The following AJAP1 variants were observed in gnomAD, a reference collection of about 807,000 sequenced individuals.
AJAP1 encodes the protein adherens junctions associated protein 1, also known as adherens junction-associated protein 1.
AJAP1 carries 5 observed loss-of-function variants against 35.0 expected under a neutral mutation model. That is an observed-to-expected ratio of 0.14 (90% CI 0.07 to 0.30). The LOEUF (loss-of-function observed/expected upper bound fraction) is 0.30. Among genes scored for constraint, AJAP1 ranks in the 10% least tolerant of loss-of-function variants. The probability of loss-of-function intolerance (pLI) is 1.00; values close to 1 mark genes in which losing one functional copy is unlikely to be tolerated. For missense variants in AJAP1, 586 were observed against 571.0 expected (o/e 1.03, Z -0.27); for synonymous variants, 284 against 249.3 (o/e 1.14, Z -1.31).
intron 1 of AJAP1, among the ~76,000 whole-genome samples, chr1:4,698,335 C>T (rs1639913805): frequency 6.6e-6 from 1 of 152,194 alleles, no homozygotes; most frequent in African/African-American, 2.4e-5. Flanking sequence ...CTGGAGGCCA[C>T]CAAATGAGTC....
In AJAP1 at chr1:4,720,212, C is replaced by A. The variant is rs775428943; in HGVS notation, c.829+7513C>A. Among the ~76,000 whole-genome samples, 1 of 152,286 alleles carries A rather than the reference C, an allele frequency of 6.6e-6. No individual in the cohort carries two copies. The highest frequency in any genetic ancestry group is 2.4e-5 in the African/African-American group (1 of 41,544). ...GAACGAGTAATGGACCCATGTGCCACGTGGTTAGACATGAAGACAGGCTTC... is the reference window on the plus strand; with the variant it reads ...GAACGAGTAATGGACCCATGTGCCAAGTGGTTAGACATGAAGACAGGCTTC... On this transcript the variant is annotated intron_variant, in intron 2 of 5. Transcript: ENST00000378191. The surrounding 1 kb of genome is among the most constrained non-coding windows in gnomAD (Gnocchi z 4.4).
Position 4,723,779 on chromosome 1 carries a change from T to A in AJAP1, c.829+11080T>A, listed in dbSNP as rs1191270528. Among the ~76,000 whole-genome samples, 1 of 151,870 alleles carries A rather than the reference T, an allele frequency of 6.6e-6. No homozygotes were observed. The highest frequency in any genetic ancestry group is 1.5e-5 in the Non-Finnish European group (1 of 68,008). ...TGGACGAGGATTTTGGTTGTTCTGT[T>A]TCGTTTTGATTTTTTTTTTTATCGT... is the stretch of plus-strand genomic sequence containing the variant. On this transcript the variant is annotated intron_variant, in intron 2 of 5. Coordinates refer to ENST00000378191, the MANE Select transcript of AJAP1 (RefSeq NM_018836.4). The surrounding 1 kb of genome is among the most constrained non-coding windows in gnomAD (Gnocchi z 4.3).
At chr1:4,678,636 C>G (rs1557605380) in intron 1 of AJAP1, among the ~76,000 whole-genome samples, 1 of 152,212 alleles carries the variant, frequency 6.6e-6, no homozygotes, top group South Asian at 2.1e-4. Flanking sequence ...ATGTTACAAT[C>G]TCATGTACCG....
chr1:4,715,983 A>G lies in AJAP1; in HGVS notation c.829+3284A>G, dbSNP rs115142843. Among the ~76,000 whole-genome samples the G allele has an allele frequency of 6.0e-3, 913 of 152,338 alleles. 9 individuals carry two copies. Among genetic ancestry groups the G allele is most frequent in the African/African-American group, 0.021 (853 of 41,574 alleles). On this transcript the variant is annotated intron_variant, in intron 2 of 5. Transcript: ENST00000378191. ...ATGAAACATCCATTAAGTGAGTTTT[A>G]CCTGTCCAAAAAGGGATCTTTGGTA...
intron 2 of AJAP1, among the ~76,000 whole-genome samples, chr1:4,747,107 C>T (rs1022593492): frequency 1.3e-5 from 2 of 152,226 alleles, no homozygotes; most frequent in African/African-American, 4.8e-5. Flanking sequence ...CCAAAGGAGA[C>T]AGATGTGGCA....
chr1:4,735,414 G>A (rs1340981855), intron 2 of AJAP1, among the ~76,000 whole-genome samples: 3 of 152,172 alleles, frequency 2.0e-5, no homozygotes, highest in South Asian at 2.1e-4. Flanking sequence ...CCCCAGGTTT[G>A]GGACTCTCCT....
intron 2 of AJAP1, among the ~76,000 whole-genome samples, chr1:4,736,773 T>C (rs971601473): frequency 4.3e-4 from 65 of 152,336 alleles, no homozygotes; most frequent in Admixed American, 3.4e-3. Flanking sequence ...AAACCCCTAG[T>C]TATCCCAGTG....
In AJAP1 at chr1:4,655,371, C is replaced by A; in HGVS notation, c.-55C>A. ...GACGGAAGCGAGCGGGCGCGGGCGC[C>A]GCGCAGATGGCCTGGGCGAGCCAGG... On this transcript the variant is annotated 5_prime_UTR_variant, in exon 1 of 6. Transcript: ENST00000378191. This position sits in a 1 kb window ranked among gnomAD's most constrained non-coding sequence, Gnocchi z 6.9. The A allele has an allele frequency of 2.7e-6, 4 of 1,497,960 alleles. No individual in the cohort carries two copies. Among genetic ancestry groups the A allele is most frequent in the Non-Finnish European group, 2.7e-6 (3 of 1,117,782 alleles). The allele number at this position is 1,497,960 out of a possible 1,614,324, so 92.8% of individuals were successfully genotyped here. A position where few individuals can be genotyped will look rare whatever the true frequency, so the allele number is the denominator to read the frequency against.
intron 2 of AJAP1, among the ~76,000 whole-genome samples, chr1:4,727,906 A>G (rs751506203): frequency 6.6e-6 from 1 of 152,198 alleles, no homozygotes; most frequent in Admixed American, 6.5e-5. Flanking sequence ...TTGAAAGTGG[A>G]AACTTCTCTA....
In AJAP1 at chr1:4,655,618, G is replaced by A. The variant is rs577560950; in HGVS notation, c.29+164G>A. ...GGAAAGGGGCGCCCGCCCGGAGCCTGGAGCAGCACCGCGGCCCTGGCGGGG... is the reference window on the plus strand; with the variant it reads ...GGAAAGGGGCGCCCGCCCGGAGCCTAGAGCAGCACCGCGGCCCTGGCGGGG... On this transcript the variant is annotated intron_variant, in intron 1 of 5. Coordinates refer to ENST00000378191, the MANE Select transcript of AJAP1 (RefSeq NM_018836.4). This position sits in a 1 kb window ranked among gnomAD's most constrained non-coding sequence, Gnocchi z 6.9. Among the ~76,000 whole-genome samples, 48 of 151,338 alleles carry A rather than the reference G, an allele frequency of 3.2e-4. No homozygotes were observed. The highest frequency in any genetic ancestry group is 1.1e-3 in the African/African-American group (44 of 41,452).
At chr1:4,732,535 T>C (rs1439930737) in intron 2 of AJAP1, among the ~76,000 whole-genome samples, 1 of 152,238 alleles carries the variant, frequency 6.6e-6, no homozygotes, top group Non-Finnish European at 1.5e-5. Flanking sequence ...CAACTTGGGC[T>C]CCTTCGGGGG....
At chr1:4,722,272 G>C (rs944837249) in intron 2 of AJAP1, among the ~76,000 whole-genome samples, 1 of 152,232 alleles carries the variant, frequency 6.6e-6, no homozygotes, top group African/African-American at 2.4e-5. Flanking sequence ...CAAGCATGTG[G>C]GTTAGCAGCA....
At chr1:4,737,888 C>G (rs935601276) in intron 2 of AJAP1, among the ~76,000 whole-genome samples, 1 of 152,130 alleles carries the variant, frequency 6.6e-6, no homozygotes, top group Non-Finnish European at 1.5e-5. Context: ...GGCGACAGAG[C>G]GAGACCCTCT....
At chr1:4,777,889 A>G (rs910315287) in intron 5 of AJAP1, 5 of 152,208 alleles carry the variant, frequency 3.3e-5, no homozygotes, top group Non-Finnish European at 7.3e-5. Context: ...AGCAACATCC[A>G]TACCTTTCTG....
chr1:4,724,841 G>C (rs933038556), intron 2 of AJAP1, among the ~76,000 whole-genome samples: 15 of 152,360 alleles, frequency 9.8e-5, no homozygotes, highest in Admixed American at 2.0e-4. Context: ...TTAGGTGAAA[G>C]AGAAAGAGGA....
intron 2 of AJAP1, among the ~76,000 whole-genome samples, chr1:4,742,613 T>G (rs540575191): frequency 1.3e-5 from 2 of 152,240 alleles, no homozygotes; most frequent in South Asian, 4.1e-4. Context: ...AGTTCGAAAT[T>G]TTTTTTAACT....
At chr1:4,770,745 G>A (rs911660231) in intron 3 of AJAP1, among the ~76,000 whole-genome samples, 1 of 152,180 alleles carries the variant, frequency 6.6e-6, no homozygotes, top group African/African-American at 2.4e-5. Context: ...AATCACAGGG[G>A]AACACAAGAA....
intron 2 of AJAP1, among the ~76,000 whole-genome samples, chr1:4,722,872 G>C (rs1426031112): frequency 6.6e-6 from 1 of 152,234 alleles, no homozygotes; most frequent in African/African-American, 2.4e-5. Flanking sequence ...GGTTGGGACA[G>C]GTCAGGGCAT....
chr1:4,686,535 A>G (rs1392286992), intron 1 of AJAP1, among the ~76,000 whole-genome samples: 2 of 152,190 alleles, frequency 1.3e-5, no homozygotes, highest in East Asian at 3.9e-4. Context: ...ATAAAATGAT[A>G]AACCCCAGTC....
Sources: gnomAD v4.1 joint callset for allele counts (sites outside exome capture counted in the v4.1 genomes callset) on GRCh38, gnomAD v4.1.1 for gene constraint, Gnocchi (gnomAD v3.1) non-coding constraint, MANE v1.5 for transcripts, NCBI Gene and HGNC (gene_info 2026-07-23, HGNC 2026-07-21) for gene names.